The following CFAP65 variants were observed in gnomAD, a reference collection of about 807,000 sequenced individuals.
CFAP65 encodes the protein cilia- and flagella-associated protein 65.
CFAP65 carries 155 observed loss-of-function variants against 208.0 expected under a neutral mutation model. The ratio of observed to expected loss-of-function variants is 0.75; its 90% CI spans 0.65 to 0.85. The LOEUF (loss-of-function observed/expected upper bound fraction) is 0.85. CFAP65 is among the 40% of genes least tolerant of loss of function. CFAP65 has a pLI of 0.00. For synonymous variants in CFAP65, 970 were observed against 986.3 expected (o/e 0.98, Z 0.31); for missense variants, 2,294 against 2,451.3 (o/e 0.94, Z 1.36).
Position 219,026,446 on chromosome 2 carries a change from A to G in CFAP65, c.2212-287T>C, listed in dbSNP as rs555454095. On this transcript the variant is annotated intron_variant, in intron 13 of 34. Transcript: ENST00000341552. The stretch of plus-strand genomic sequence containing the variant: ...ATTCATTCTGTAAGAATGAGCCTAG[A>G]GAAGCGCTGGCCAATAGAAATATCA... 1.4e-4 allele frequency: 42 copies of G among 301,098 alleles called. 1 individual carries two copies. In the Admixed American group the frequency reaches 1.4e-3, roughly 10 times the overall value. The allele number at this position is 301,098 out of a possible 1,614,324, so 18.7% of individuals were successfully genotyped here. A position where few individuals can be genotyped will look rare whatever the true frequency, so the allele number is the denominator to read the frequency against.
At position 219,038,598 on chromosome 2, in the gene CFAP65, G is replaced by C; in HGVS notation, c.154-20C>G. The C allele has an allele frequency of 6.3e-7, 1 of 1,599,968 alleles. No homozygotes were observed. Among genetic ancestry groups the C allele is most frequent in the Non-Finnish European group, 8.6e-7 (1 of 1,168,790 alleles). The stretch of plus-strand genomic sequence containing the variant: ...ATGGAGCTGGGAAGAGAGCAGAGGG[G>C]AGAGGAGACAGGAGTGACATGAGAA... On this transcript the variant is annotated intron_variant, in intron 3 of 34. Coordinates refer to ENST00000341552, the MANE Select transcript of CFAP65 (RefSeq NM_194302.4).
Position 219,021,266 on chromosome 2 carries a change from G to A in CFAP65, c.3145C>T (p.Arg1049Ter), listed in dbSNP as rs766962191. 14 of 1,596,950 alleles carry A rather than the reference G, an allele frequency of 8.8e-6. No homozygotes were observed. Among genetic ancestry groups the A allele is most frequent in the Middle Eastern group, 1.7e-4 (1 of 6,004 alleles). The change falls in exon 19 of 35, where the codon CGA becomes TGA. Residue 1049 changes from arginine (R) to a stop codon, truncating the protein, a stop_gained. Transcript: ENST00000341552. LOFTEE classifies it high-confidence loss of function. ...CGGGGTGGCATGCTCCCCTCTGTTC[G>A]GTCCAGCTGCAGAGCTGCTCAGGGA... ...DNHPLALQLD[R>*]TEGSMPPRSQ...
At chr2:219,021,751 G>T (rs1947276765) in intron 18 of CFAP65, 29 bp downstream of exon 18, 1 of 1,611,372 alleles carries the variant, frequency 6.2e-7, no homozygotes, top group Admixed American at 1.7e-5. Flanking sequence ...CACCTCCCCT[G>T]GCCCCAGTCC....
chr2:219,029,850 C>G, intron 10 of CFAP65, 136 bp downstream of exon 10: 7 of 1,108,076 alleles, frequency 6.3e-6, no homozygotes, highest in Non-Finnish European at 9.0e-6. Flanking sequence ...TGATTCCCCA[C>G]AGGGCCACCA....
chr2:219,023,556 G>A lies in CFAP65; in HGVS notation c.2596-125C>T. On this transcript the variant is annotated intron_variant, in intron 15 of 34. Transcript: ENST00000341552. ...TGAAGCAGGCAGTCAAAGGCCCTCT[G>A]CCAGCCCGTGTACCGGCAGTTTCTG... 8.8e-6 allele frequency: 6 copies of A among 684,496 alleles called. No individual in the cohort carries two copies. The South Asian group carries it at 1.0e-4, about 12-fold the overall frequency. The allele number at this position is 684,496 out of a possible 1,614,324, so 42.4% of individuals were successfully genotyped here. A position where few individuals can be genotyped will look rare whatever the true frequency, so the allele number is the denominator to read the frequency against.
chr2:219,003,766 A>G lies in CFAP65; in HGVS notation c.5555+186T>C, dbSNP rs1048609468. On this transcript the variant is annotated intron_variant, in intron 33 of 34. Coordinates refer to ENST00000341552, the MANE Select transcript of CFAP65 (RefSeq NM_194302.4). The surrounding 1 kb of genome is among the most constrained non-coding windows in gnomAD (Gnocchi z 4.4). ...AACTAGTTCTTAGAGAAAAAAGAAT[A>G]AAGTTCAGTGTTGGTGCCGGGCGGA... is the stretch of plus-strand genomic sequence containing the variant. Among the ~76,000 whole-genome samples, 1 of 152,208 alleles carries G rather than the reference A, an allele frequency of 6.6e-6. No individual in the cohort carries two copies. Among genetic ancestry groups the G allele is most frequent in the Non-Finnish European group, 1.5e-5 (1 of 68,046 alleles).
Position 219,019,691 on chromosome 2 carries a change from C to T in CFAP65, c.3288G>A (p.Leu1096=). 1.2e-6 allele frequency: 2 copies of T among 1,613,490 alleles called. No homozygotes were observed. The highest frequency in any genetic ancestry group is 1.7e-6 in the Non-Finnish European group (2 of 1,180,030). ...RDNKAGEKQE[L]CCVSLVAVYP... is the part of the protein sequence containing the mutation. ...ACACGGCCACCAGGGAGACGCAGCA[C>T]AGCTCCTGCTTCTCCCCAGCCTTGT... The change falls in exon 20 of 35, where the codon CTG becomes CTA. Residue 1096 remains leucine, a synonymous_variant. Transcript: ENST00000341552.
At chr2:219,028,528 G>A in intron 11 of CFAP65, 127 bp from the exon 12 acceptor site, 1 of 793,504 alleles carries the variant, frequency 1.3e-6, no homozygotes, top group Non-Finnish European at 2.1e-6. Context: ...GAAGCTCCAG[G>A]TGGCCAGTGA....
At chr2:219,025,887 C>T (rs917325831) in intron 14 of CFAP65, 135 bp downstream of exon 14, 15 of 1,094,708 alleles carry the variant, frequency 1.4e-5, no homozygotes, top group East Asian at 5.2e-5. Flanking sequence ...ATTGGCACAG[C>T]GGACGTGGGG....
intron 13 of CFAP65, chr2:219,026,466 A>G (rs1947639554): frequency 7.8e-6 from 2 of 255,632 alleles, no homozygotes; most frequent in Non-Finnish European, 1.5e-5. Flanking sequence ...GCCAATAGAA[A>G]TATCACGTGA....
chr2:219,031,992 C>T lies in CFAP65; in HGVS notation c.646-334G>A, dbSNP rs1948081879. On this transcript the variant is annotated intron_variant, in intron 6 of 34. Coordinates refer to ENST00000341552, the MANE Select transcript of CFAP65 (RefSeq NM_194302.4). This position sits in a 1 kb window ranked among gnomAD's most constrained non-coding sequence, Gnocchi z 5.2. Reference sequence around the variant, plus strand: ...CTGGAGTGCAGTGGTGAGATCTCAGCTCACTGCAACAGCCGCCTCCCGGTT... The same window carrying T: ...CTGGAGTGCAGTGGTGAGATCTCAGTTCACTGCAACAGCCGCCTCCCGGTT... Among the ~76,000 whole-genome samples, 1 of 149,628 alleles carries T rather than the reference C, an allele frequency of 6.7e-6. No individual in the cohort carries two copies. The highest frequency in any genetic ancestry group is 6.7e-5 in the Admixed American group (1 of 15,006).
At position 219,003,039 on chromosome 2, in the gene CFAP65, C is replaced by T; in HGVS notation, c.5694-18G>A. 1 of 1,553,144 alleles carries T rather than the reference C, an allele frequency of 6.4e-7. No individual in the cohort carries two copies. Among genetic ancestry groups the T allele is most frequent in the Non-Finnish European group, 8.7e-7 (1 of 1,147,620 alleles). ...TCAGACTCCTGGAAGACAAAAAGTC[C>T]CAGGTAGGCGTGGGGGCGAGGCTTC... is the stretch of plus-strand genomic sequence containing the variant. On this transcript the variant is annotated intron_variant, in intron 34 of 34. Transcript: ENST00000341552. This position sits in a 1 kb window ranked among gnomAD's most constrained non-coding sequence, Gnocchi z 4.4.
In CFAP65 at chr2:219,004,276, T is replaced by C; in HGVS notation, c.5231A>G (p.Lys1744Arg). Residue 1744 changes from lysine to arginine, a missense_variant, in exon 33 of 35, where the codon AAG becomes AGG. By Grantham distance (26) the Lys-to-Arg change is conservative. Around this residue, in one of 2 missense-constraint regions of CFAP65, gnomAD observed 1,427 missense variants for 1,438.7 expected, o/e 0.99. Transcript: ENST00000341552. The surrounding 1 kb of genome is among the most constrained non-coding windows in gnomAD (Gnocchi z 4.7). ...CTCTGGTCTGTCTTCCTTCGGCTGC[T>C]TGCCCTTCCCATCCTCCCAGCTGCT... ...PSSSWEDGKGKQPKEDRPEHY... is the reference protein window; with the variant it reads ...PSSSWEDGKGRQPKEDRPEHY... 1 of 1,614,170 alleles carries C rather than the reference T, an allele frequency of 6.2e-7. No homozygotes were observed. Among genetic ancestry groups the C allele is most frequent in the Non-Finnish European group, 8.5e-7 (1 of 1,180,026 alleles).
At chr2:219,016,808 A>G (rs1946918337) in intron 21 of CFAP65, among the ~76,000 whole-genome samples, 1 of 152,170 alleles carries the variant, frequency 6.6e-6, no homozygotes, top group Non-Finnish European at 1.5e-5. Flanking sequence ...TGCCCATCCC[A>G]TGATGTCCTC....
Position 219,019,486 on chromosome 2 carries a change from C to T in CFAP65, c.3473+20G>A. ...TAGGCCCTGCCCCCAGCCCCCACCC[C>T]CACTCCAGGCTCAGCTCACCTGTGC... On this transcript the variant is annotated intron_variant, in intron 20 of 34. Coordinates refer to ENST00000341552, the MANE Select transcript of CFAP65 (RefSeq NM_194302.4). 2 of 1,600,286 alleles carry T rather than the reference C, an allele frequency of 1.2e-6. No homozygotes were observed. The highest frequency in any genetic ancestry group is 1.7e-6 in the Non-Finnish European group (2 of 1,172,062).
At position 219,013,824 on chromosome 2, in the gene CFAP65, C is replaced by T. The variant is rs772145961; in HGVS notation, c.3779+44G>A. The T allele has an allele frequency of 3.3e-6, 5 of 1,519,098 alleles. No individual in the cohort carries two copies. The South Asian group carries it at 6.2e-5, about 19-fold the overall frequency. 94.1% of individuals were successfully genotyped at this position (1,519,098 alleles called of 1,614,324 possible). A position where few individuals can be genotyped will look rare whatever the true frequency, so the allele number is the denominator to read the frequency against. On this transcript the variant is annotated intron_variant, in intron 22 of 34. Transcript: ENST00000341552. ...TACAATGAAATGCCCGGGGTAGGGG[C>T]CTCTATGACTGGAAGTGCAGGGGGT...
Position 219,003,096 on chromosome 2 carries a change from TC to T in CFAP65, c.5693+38del, listed in dbSNP as rs1559108311. ...AGCCTGGCTGCCCCCGTGGCCCCTC[TC>T]GCGCGGTCTGCGCGGCCGCTGGTCC... On this transcript the variant is annotated intron_variant, in intron 34 of 34. Transcript: ENST00000341552. This position sits in a 1 kb window ranked among gnomAD's most constrained non-coding sequence, Gnocchi z 4.4. The T allele has an allele frequency of 6.5e-7, 1 of 1,544,634 alleles. No individual in the cohort carries two copies. Among genetic ancestry groups the T allele is most frequent in the Admixed American group, 2.0e-5 (1 of 50,766 alleles).
At chr2:219,040,626 C>T in intron 1 of CFAP65, 62 bp from the exon 2 acceptor site, 1 of 1,552,004 alleles carries the variant, frequency 6.4e-7, no homozygotes, top group Non-Finnish European at 8.7e-7. Context: ...CAGCCCTGTC[C>T]TGACTCATTA....
Position 219,013,523 on chromosome 2 carries a change from A to G in CFAP65, c.3842T>C (p.Ile1281Thr). Residue 1281 changes from isoleucine (I) to threonine (T), a missense_variant, in exon 23 of 35, where the codon ATC becomes ACC. Around this residue, in one of 2 missense-constraint regions of CFAP65, gnomAD observed 1,427 missense variants for 1,438.7 expected, o/e 0.99. Transcript: ENST00000341552. ...GCCAGTGTGCTGGGGCCTCACCAGG[A>G]TCTCCCGGCCATGGGACACCTTGAA... ...VLFKVSHGRE[I>T]LLNFIGVTVK... The G allele has an allele frequency of 1.3e-6, 2 of 1,598,062 alleles. No individual in the cohort carries two copies. Among genetic ancestry groups the G allele is most frequent in the Non-Finnish European group, 1.7e-6 (2 of 1,173,828 alleles).
Sources: gnomAD v4.1 joint callset for allele counts (sites outside exome capture counted in the v4.1 genomes callset) on GRCh38, gnomAD v4.1.1 for gene constraint, gnomAD v4.1.1 regional missense constraint, Gnocchi (gnomAD v3.1) non-coding constraint, MANE v1.5 for transcripts, NCBI Gene and HGNC (gene_info 2026-07-23, HGNC 2026-07-21) for gene names.